Variants in PTK2B observed in about 807,000 individuals in gnomAD.
The protein encoded by PTK2B is protein-tyrosine kinase 2-beta.
PTK2B carries 71 observed loss-of-function variants against 142.9 expected under a neutral mutation model. The observed-to-expected ratio is 0.50, with a 90% CI of 0.41 to 0.61. PTK2B has a LOEUF of 0.61. PTK2B is among the 20% of genes least tolerant of loss of function. The pLI, the probability that PTK2B is intolerant of heterozygous loss-of-function variation, is 0.00. For synonymous variants in PTK2B, 519 were observed against 503.4 expected, an observed-to-expected ratio of 1.03 and a Z score of -0.42; for missense variants, 1,105 against 1,320.4, an observed-to-expected ratio of 0.84 and a Z score of 2.53.
intron 4 of PTK2B, among the ~76,000 whole-genome samples, chr8:27,421,282 T>G (rs1352259792): frequency 1.4e-3 from 6 of 4,152 alleles, no homozygotes; most frequent in Non-Finnish European, 5.2e-3. Context: ...ACTTACCTAT[T>G]TATTTATTTA....
rs1203067355 is a variant in PTK2B, at chr8:27,318,403, A to T, written c.-413-3999A>T. ...GGGATGTTGGGGACCAGATGAGCCC[A>T]CTCACAGGTGGGGGTTAGGGGTTCA... On this transcript the variant is annotated intron_variant, in intron 3 of 35. Coordinates refer to the PTK2B transcript ENST00000397501. Among the ~76,000 whole-genome samples, 16 of 152,232 alleles carry T rather than the reference A, an allele frequency of 1.1e-4. No homozygotes were observed. The East Asian group carries it at 2.9e-3, about 28-fold the overall frequency.
rs541358186 is a variant in PTK2B at position 27,315,495 on chromosome 8, G to A, written c.-414+2208G>A. ...GATAGCCCTCTCCCCTCCCCCCAACGCAGAGACTCTTACGTCGTCTCATTC... is the reference window on the plus strand; with the variant it reads ...GATAGCCCTCTCCCCTCCCCCCAACACAGAGACTCTTACGTCGTCTCATTC... On this transcript the variant is annotated intron_variant, in intron 3 of 35. Coordinates refer to the PTK2B transcript ENST00000397501. 6.6e-5 allele frequency among the ~76,000 whole-genome samples: 10 copies of A among 152,142 alleles called. No individual in the cohort carries two copies. The East Asian group carries it at 1.7e-3, about 26-fold the overall frequency.
chr8:27,334,271 C>G (rs1803927832), intron 1 of PTK2B, among the ~76,000 whole-genome samples: 1 of 152,192 alleles, frequency 6.6e-6, no homozygotes, highest in African/African-American at 2.4e-5. Context: ...ATCCAGCCCC[C>G]TTAAATTTAC....
intron 1 of PTK2B, among the ~76,000 whole-genome samples, chr8:27,376,670 G>C (rs544754183): frequency 1.3e-5 from 2 of 152,274 alleles, no homozygotes; most frequent in South Asian, 4.1e-4. Flanking sequence ...CGATGAGAGT[G>C]TCCTCTGGTC....
intron 1 of PTK2B, among the ~76,000 whole-genome samples, chr8:27,396,933 G>A (rs1193999244): frequency 1.3e-5 from 2 of 152,194 alleles, no homozygotes; most frequent in African/African-American, 2.4e-5. Context: ...TGTGATCAGT[G>A]ATGTCTATGT....
chr8:27,391,497 A>G (rs1412495057), intron 1 of PTK2B, among the ~76,000 whole-genome samples: 1 of 152,212 alleles, frequency 6.6e-6, no homozygotes, highest in Non-Finnish European at 1.5e-5. Context: ...CTGTTTACTG[A>G]ACACAACATG....
At chr8:27,351,595 AAAAT>A (rs1805094552) in intron 1 of PTK2B, among the ~76,000 whole-genome samples, 2 of 152,300 alleles carry the variant, frequency 1.3e-5, no homozygotes, top group East Asian at 1.9e-4. Flanking sequence ...TTTACCAAAA[AAAAT>A]AAATTAATTA....
intron 1 of PTK2B, among the ~76,000 whole-genome samples, chr8:27,340,554 G>A (rs750566569): frequency 1.3e-5 from 2 of 152,248 alleles, no homozygotes; most frequent in Non-Finnish European, 2.9e-5. Context: ...CCGGTGACAG[G>A]AAGCAATAGG....
intron 1 of PTK2B, among the ~76,000 whole-genome samples, chr8:27,364,068 G>C (rs182489961): frequency 6.6e-6 from 1 of 152,204 alleles, no homozygotes; most frequent in Admixed American, 6.5e-5. Flanking sequence ...TCACAACAGC[G>C]CTGAAACAGC....
At chr8:27,315,646 A>G (rs1321789720) in intron 3 of PTK2B, among the ~76,000 whole-genome samples, 1 of 149,226 alleles carries the variant, frequency 6.7e-6, no homozygotes, top group Admixed American at 6.7e-5. Context: ...TTTTTTTCTC[A>G]TATTCTGAAT....
chr8:27,395,639 C>A (rs1217006946), intron 1 of PTK2B, among the ~76,000 whole-genome samples: 1 of 152,192 alleles, frequency 6.6e-6, no homozygotes, highest in African/African-American at 2.4e-5. Flanking sequence ...GCTGGATATG[C>A]TGGAACAATG....
chr8:27,434,499 C>G lies in PTK2B; in HGVS notation c.1146-14C>G, dbSNP rs1221406990. 2 of 1,608,510 alleles carry G rather than the reference C, an allele frequency of 1.2e-6. No individual in the cohort carries two copies. Among genetic ancestry groups the G allele is most frequent in the Non-Finnish European group, 1.7e-6 (2 of 1,177,498 alleles). On this transcript the variant is annotated splice_polypyrimidine_tract_variant and intron_variant, in intron 12 of 30. Coordinates refer to ENST00000346049, the MANE Select transcript of PTK2B (RefSeq NM_173176.3). The stretch of plus-strand genomic sequence containing the variant: ...TCTGAGCTCACCTGGCTTCTGCTCT[C>G]TCACCTCCTACAGAAACCTGGAGGC...
Position 27,454,173 on chromosome 8 carries a change from A to T in PTK2B, c.2615A>T (p.Asn872Ile). The change falls in exon 29 of 31, where the codon AAC (asparagine) becomes ATC (isoleucine). Residue 872 changes from asparagine (N) to isoleucine (I), a missense_variant. Coordinates refer to ENST00000346049, the MANE Select transcript of PTK2B (RefSeq NM_173176.3). ...LGAQSIQPTANLDRTDDLVYL... is the reference protein window; with the variant it reads ...LGAQSIQPTAILDRTDDLVYL... ...CCTCAGTCCATCCAGCCCACAGCTA[A>T]CCTGGACCGGACTGATGACCTGGTG... is the stretch of plus-strand genomic sequence containing the variant. The T allele has an allele frequency of 6.2e-7, 1 of 1,614,084 alleles. No individual in the cohort carries two copies. The highest frequency in any genetic ancestry group is 8.5e-7 in the Non-Finnish European group (1 of 1,180,008).
At chr8:27,408,481 A>C (rs1034415589) in intron 2 of PTK2B, among the ~76,000 whole-genome samples, 6 of 152,228 alleles carry the variant, frequency 3.9e-5, no homozygotes, top group African/African-American at 7.2e-5. Flanking sequence ...TTGTTTGCTA[A>C]ACCTAAGCAT....
chr8:27,419,829 G>C lies in PTK2B; in HGVS notation c.205-66G>C, dbSNP rs1362506411. ...CTAGAGAATCCCACTTTTCAGGTCT[G>C]TGTGAGAATTATGGGAGCCCAAAGG... is the stretch of plus-strand genomic sequence containing the variant. On this transcript the variant is annotated intron_variant, in intron 2 of 30. Coordinates refer to ENST00000346049, the MANE Select transcript of PTK2B (RefSeq NM_173176.3). 3 of 1,551,952 alleles carry C rather than the reference G, an allele frequency of 1.9e-6. No homozygotes were observed. In the Admixed American group the frequency reaches 5.2e-5, roughly 27 times the overall value.
intron 1 of PTK2B, among the ~76,000 whole-genome samples, chr8:27,334,330 C>T (rs1047573909): frequency 1.3e-5 from 2 of 152,186 alleles, no homozygotes; most frequent in South Asian, 2.1e-4. Context: ...TCTAACTAAA[C>T]TTTCCCCATA....
At chr8:27,310,843 C>A (rs1802922577), upstream of PTK2B, 1 of 1,608,546 alleles carries the variant, frequency 6.2e-7, no homozygotes, top group Non-Finnish European at 8.5e-7. Context: ...GCACGCGGTG[C>A]CCCTGGTGTC....
intron 1 of PTK2B, among the ~76,000 whole-genome samples, chr8:27,371,366 A>G (rs1382218631): frequency 6.6e-6 from 1 of 152,124 alleles, no homozygotes; most frequent in East Asian, 1.9e-4. Flanking sequence ...TGGTTCTTCC[A>G]TGCACACTGG....
intron 1 of PTK2B, among the ~76,000 whole-genome samples, chr8:27,386,922 A>G (rs564124742): frequency 6.6e-6 from 1 of 151,508 alleles, no homozygotes; most frequent in South Asian, 2.1e-4. Flanking sequence ...TGTTTATTAC[A>G]TGTATCATAA....
Sources: gnomAD v4.1 joint callset for allele counts (sites outside exome capture counted in the v4.1 genomes callset) on GRCh38, gnomAD v4.1.1 for gene constraint, MANE v1.5 for transcripts, NCBI Gene and HGNC (gene_info 2026-07-23, HGNC 2026-07-21) for gene names.